The following INSIG2 variants were observed in gnomAD, a reference collection of about 807,000 sequenced individuals.
INSIG2 encodes the protein insulin induced gene 2.
INSIG2 carries 10 observed loss-of-function variants against 27.2 expected under a neutral mutation model. The ratio of observed to expected loss-of-function variants is 0.37; its 90% CI spans 0.23 to 0.62. The LOEUF is 0.62. INSIG2 is among the 20% of genes least tolerant of loss of function. The pLI, the probability that INSIG2 is intolerant of heterozygous loss-of-function variation, is 0.65. For missense variants in INSIG2, 178 were observed against 270.2 expected, an observed-to-expected ratio of 0.66 and a Z score of 2.39; for synonymous variants, 97 against 95.8, an observed-to-expected ratio of 1.01 and a Z score of -0.07.
At chr2:118,097,837 G>A (rs1008939402) in intron 2 of INSIG2, among the ~76,000 whole-genome samples, 1 of 152,150 alleles carries the variant, frequency 6.6e-6, no homozygotes, top group South Asian at 2.1e-4. Flanking sequence ...ATCCAAGAGC[G>A]GGAGGTTGAA....
intron 1 of INSIG2, among the ~76,000 whole-genome samples, chr2:118,089,849 A>G (rs1678184480): frequency 1.3e-5 from 2 of 152,238 alleles, no homozygotes; most frequent in African/African-American, 2.4e-5. Flanking sequence ...TCAGAAACTT[A>G]TCTCGAAACG....
intron 5 of INSIG2, among the ~76,000 whole-genome samples, chr2:118,108,071 G>A (rs1023240149): frequency 1.3e-5 from 2 of 152,106 alleles, no homozygotes; most frequent in African/African-American, 2.4e-5. Flanking sequence ...GCTTTTGGCT[G>A]TGGCTTTTTC....
At chr2:118,107,557 A>G (rs530737713) in intron 5 of INSIG2, among the ~76,000 whole-genome samples, 1 of 152,212 alleles carries the variant, frequency 6.6e-6, no homozygotes, top group Admixed American at 6.5e-5. Context: ...CATTAGGACC[A>G]CCTCTAACAA....
chr2:118,108,131 C>A, intron 5 of INSIG2, 150 bp from the exon 6 acceptor site: 1 of 534,082 alleles, frequency 1.9e-6, no homozygotes. Flanking sequence ...GTCATTTAAT[C>A]ATAGTAATTA....
intron 2 of INSIG2, among the ~76,000 whole-genome samples, chr2:118,100,064 G>T (rs2104531458): frequency 6.6e-6 from 1 of 152,238 alleles, no homozygotes; most frequent in South Asian, 2.1e-4. Flanking sequence ...TCTGGACCCT[G>T]CAGCTCCCTT....
chr2:118,107,308 A>G lies in INSIG2; in HGVS notation c.636+119A>G, dbSNP rs1678698149. On this transcript the variant is annotated intron_variant, in intron 5 of 5. Coordinates refer to ENST00000245787, the MANE Select transcript of INSIG2 (RefSeq NM_016133.4). Reference sequence around the variant, plus strand: ...CAACATTCTTTGATTGCTTTTTTGCACTTCCATTGAAATAAATCATTTGGA... The same window carrying G: ...CAACATTCTTTGATTGCTTTTTTGCGCTTCCATTGAAATAAATCATTTGGA... 5 of 669,662 alleles carry G rather than the reference A, an allele frequency of 7.5e-6. No individual in the cohort carries two copies. In the South Asian group the frequency reaches 7.6e-5, roughly 10 times the overall value. The allele number at this position is 669,662 out of a possible 1,614,324, so 41.5% of individuals were successfully genotyped here. A position where few individuals can be genotyped will look rare whatever the true frequency, so the allele number is the denominator to read the frequency against.
intron 1 of INSIG2, among the ~76,000 whole-genome samples, chr2:118,091,435 G>A (rs993778166): frequency 2.0e-5 from 3 of 152,206 alleles, no homozygotes; most frequent in South Asian, 2.1e-4. Context: ...CTTGCTAATA[G>A]AGTGAGAGAA....
In INSIG2 at chr2:118,110,304, G is replaced by A. The variant is rs769085247; in HGVS notation, c.*1982G>A. 2 of 152,104 alleles carry A rather than the reference G, an allele frequency of 1.3e-5. No individual in the cohort carries two copies. The highest frequency in any genetic ancestry group is 1.5e-5 in the Non-Finnish European group (1 of 68,028). 9.4% of individuals were successfully genotyped at this position (152,104 alleles called of 1,614,324 possible). On this transcript the variant is annotated 3_prime_UTR_variant, in exon 6 of 6. Coordinates refer to ENST00000245787, the MANE Select transcript of INSIG2 (RefSeq NM_016133.4). The stretch of plus-strand genomic sequence containing the variant: ...CAGTTGATGAACACATATTGTGTAT[G>A]GTATATGTATTATATACTGTTTTCT...
rs1374036032 is a variant in INSIG2, at chr2:118,110,962, A to G, written c.*2640A>G. ...CTTGTATTTTCCAGGTAGAAGTCAG[A>G]CTTGGTTAATACCAATAAATACTTC... On this transcript the variant is annotated 3_prime_UTR_variant, in exon 6 of 6. Coordinates refer to ENST00000245787, the MANE Select transcript of INSIG2 (RefSeq NM_016133.4). 6.6e-6 allele frequency: 1 copy of G among 152,244 alleles called. No homozygotes were observed. Among genetic ancestry groups the G allele is most frequent in the Non-Finnish European group, 1.5e-5 (1 of 68,052 alleles). The allele number at this position is 152,244 out of a possible 1,614,324, so 9.4% of individuals were successfully genotyped here. A position where few individuals can be genotyped will look rare whatever the true frequency, so the allele number is the denominator to read the frequency against.
At chr2:118,107,533 C>T (rs1253707437) in intron 5 of INSIG2, among the ~76,000 whole-genome samples, 3 of 152,136 alleles carry the variant, frequency 2.0e-5, no homozygotes, top group Non-Finnish European at 2.9e-5. Context: ...AAGTGTGTTG[C>T]TACAATAGGT....
chr2:118,099,372 G>A (rs1678487618), intron 2 of INSIG2, among the ~76,000 whole-genome samples: 1 of 152,200 alleles, frequency 6.6e-6, no homozygotes, highest in Non-Finnish European at 1.5e-5. Flanking sequence ...TTTCTCTATA[G>A]CACAATCCTG....
At chr2:118,105,187 CCTG>C (rs1349833415) in intron 3 of INSIG2, among the ~76,000 whole-genome samples, 1 of 152,014 alleles carries the variant, frequency 6.6e-6, no homozygotes, top group Non-Finnish European at 1.5e-5. Context: ...ACTACAGGCA[CCTG>C]CCACCACACC....
At chr2:118,095,123 A>G (rs1678376417) in intron 1 of INSIG2, among the ~76,000 whole-genome samples, 1 of 152,270 alleles carries the variant, frequency 6.6e-6, no homozygotes, top group South Asian at 2.1e-4. Context: ...ACCTTTAATT[A>G]GAAAGTAGTC....
In INSIG2 at chr2:118,096,819, T is replaced by C. The variant is rs767407775; in HGVS notation, c.244+19T>C. ...GCTTCAGGTATGTGTAGGATGTTTC[T>C]GTAATGCTTAGAAAGGAAATAGGGT... On this transcript the variant is annotated intron_variant, in intron 2 of 5. Transcript: ENST00000245787. 2 of 1,607,766 alleles carry C rather than the reference T, an allele frequency of 1.2e-6. No homozygotes were observed. Among genetic ancestry groups the C allele is most frequent in the South Asian group, 1.1e-5 (1 of 90,870 alleles).
intron 3 of INSIG2, 186 bp from the exon 4 acceptor site, chr2:118,106,551 G>A (rs1678676959): frequency 3.7e-6 from 2 of 534,150 alleles, no homozygotes; most frequent in East Asian, 2.9e-5. Context: ...TGTGTATCTG[G>A]TATTGGGTAA....
intron 1 of INSIG2, among the ~76,000 whole-genome samples, chr2:118,093,859 AT>A (rs1392667881): frequency 0.04 from 3,860 of 97,678 alleles, 336 homozygotes; most frequent in South Asian, 0.077. Context: ...GATGATGATG[AT>A]GATGAGGAGG....
chr2:118,106,336 A>G (rs183059268), intron 3 of INSIG2, among the ~76,000 whole-genome samples: 19 of 152,332 alleles, frequency 1.2e-4, no homozygotes, highest in African/African-American at 4.1e-4. Context: ...GAGAAGTAAT[A>G]TTGGTTTCCT....
intron 3 of INSIG2, 169 bp from the exon 4 acceptor site, chr2:118,106,568 G>C: frequency 1.8e-6 from 1 of 563,788 alleles, no homozygotes; most frequent in Non-Finnish European, 3.1e-6. Flanking sequence ...GTAAATACTG[G>C]AGACAGTTTT....
At chr2:118,097,299 GT>G (rs1448176622) in intron 2 of INSIG2, among the ~76,000 whole-genome samples, 1 of 152,104 alleles carries the variant, frequency 6.6e-6, no homozygotes, top group East Asian at 1.9e-4. Context: ...GTTATTTTAA[GT>G]TATTTGGATG....
Sources: allele counts gnomAD v4.1 joint callset (sites outside exome capture counted in the v4.1 genomes callset), GRCh38; gene constraint gnomAD v4.1.1; transcripts MANE v1.5; gene names NCBI Gene and HGNC (gene_info 2026-07-23, HGNC 2026-07-21).